Variants in SLC35F3 observed in about 807,000 individuals in gnomAD.
SLC35F3 encodes the protein solute carrier family 35 member F3, also known as putative thiamine transporter SLC35F3.
A neutral mutation model predicts 49.9 loss-of-function variants in SLC35F3; 25 were observed. The ratio of observed to expected loss-of-function variants is 0.50; its 90% CI spans 0.37 to 0.70. SLC35F3 has a LOEUF of 0.70. Among genes scored for constraint, SLC35F3 ranks in the 30% least tolerant of loss-of-function variants. The pLI is 0.00. For synonymous variants in SLC35F3, 275 were observed against 265.4 expected (o/e 1.04, Z -0.35); for missense variants, 525 against 639.8 (o/e 0.82, Z 1.94).
Position 234,214,621 on chromosome 1 carries a change from G to T in SLC35F3, c.284-16796G>T. The T allele has an allele frequency of 1.3e-6, 2 of 1,507,434 alleles. No homozygotes were observed. Among genetic ancestry groups the T allele is most frequent in the Non-Finnish European group, 1.8e-6 (2 of 1,127,132 alleles). The allele number at this position is 1,507,434 out of a possible 1,614,324, so 93.4% of individuals were successfully genotyped here. ...CCGGGGGTCCCTGCACCCTAGCCGGGGAATGCTGCCACCCTGAGGGGGGCT... is the reference window on the plus strand; with the variant it reads ...CCGGGGGTCCCTGCACCCTAGCCGGTGAATGCTGCCACCCTGAGGGGGGCT... On this transcript the variant is annotated intron_variant, in intron 2 of 7. Transcript: ENST00000366618. This position sits in a 1 kb window ranked among gnomAD's most constrained non-coding sequence, Gnocchi z 8.0.
chr1:234,194,554 T>G (rs1233756367), intron 2 of SLC35F3, among the ~76,000 whole-genome samples: 2 of 152,086 alleles, frequency 1.3e-5, no homozygotes, highest in African/African-American at 2.4e-5. Context: ...AAGGACTTAC[T>G]TATGTAACCA....
chr1:234,296,070 G>A (rs1668588467), intron 3 of SLC35F3, among the ~76,000 whole-genome samples: 1 of 152,216 alleles, frequency 6.6e-6, no homozygotes, highest in Non-Finnish European at 1.5e-5. Flanking sequence ...CAGGAACATA[G>A]AAGTGAGAGC....
rs535762779 is a variant in SLC35F3 at position 234,049,987 on chromosome 1, A to G, written c.283+144229A>G. ...TGAACTCATCCTTTTTTATGGCTGCATAGTATTCCATGGTGTATATGTGCC... is the reference window on the plus strand; with the variant it reads ...TGAACTCATCCTTTTTTATGGCTGCGTAGTATTCCATGGTGTATATGTGCC... On this transcript the variant is annotated intron_variant, in intron 2 of 7. Coordinates refer to ENST00000366618, the MANE Select transcript of SLC35F3 (RefSeq NM_173508.4). Among the ~76,000 whole-genome samples the G allele has an allele frequency of 2.6e-4, 40 of 152,294 alleles. 2 individuals carry two copies. The highest frequency in any genetic ancestry group is 3.4e-3 in the Middle Eastern group (1 of 294).
intron 3 of SLC35F3, among the ~76,000 whole-genome samples, chr1:234,282,486 A>C (rs752549499): frequency 7.9e-5 from 12 of 152,188 alleles, no homozygotes; most frequent in Non-Finnish European, 1.6e-4. Context: ...CAGGCTGCCT[A>C]TCCTGGAACC....
At chr1:234,137,825 A>G (rs1436723398) in intron 2 of SLC35F3, among the ~76,000 whole-genome samples, 1 of 152,200 alleles carries the variant, frequency 6.6e-6, no homozygotes, top group African/African-American at 2.4e-5. Context: ...GCTGGTGGGC[A>G]TGAATTTAAG....
chr1:234,101,581 G>A (rs556205529), intron 2 of SLC35F3, among the ~76,000 whole-genome samples: 4 of 152,322 alleles, frequency 2.6e-5, no homozygotes, highest in East Asian at 1.9e-4. Context: ...GAAAGCATAC[G>A]AAATGGTTCT....
chr1:234,250,147 T>G (rs1667712709), intron 3 of SLC35F3, among the ~76,000 whole-genome samples: 1 of 152,218 alleles, frequency 6.6e-6, no homozygotes, highest in Admixed American at 6.5e-5. Context: ...GAAGATACTA[T>G]TTATTCAAAA....
At chr1:233,930,327 A>G (rs1318487236) in intron 2 of SLC35F3, among the ~76,000 whole-genome samples, 1 of 152,182 alleles carries the variant, frequency 6.6e-6, no homozygotes, top group African/African-American at 2.4e-5. Context: ...TGTCTCTGCC[A>G]TTGCAACATG....
intron 2 of SLC35F3, among the ~76,000 whole-genome samples, chr1:233,969,447 T>C (rs1662957344): frequency 6.6e-6 from 1 of 152,214 alleles, no homozygotes; most frequent in South Asian, 2.1e-4. Context: ...TCTTCTTTCC[T>C]TTCTTCTCTC....
intron 2 of SLC35F3, among the ~76,000 whole-genome samples, chr1:234,181,343 A>G (rs865904487): frequency 4.0e-5 from 6 of 151,500 alleles, no homozygotes; most frequent in Non-Finnish European, 7.4e-5. Context: ...CTCAAGAAAA[A>G]AAAAAAAAAA....
At chr1:233,927,886 A>G (rs1351765499) in intron 2 of SLC35F3, among the ~76,000 whole-genome samples, 1 of 151,638 alleles carries the variant, frequency 6.6e-6, no homozygotes, top group Non-Finnish European at 1.5e-5. Context: ...AAATAGATAT[A>G]AAAAGTAATG....
At chr1:234,105,271 A>G (rs4508087) in intron 2 of SLC35F3, among the ~76,000 whole-genome samples, 99,409 of 151,992 alleles carry the variant, frequency 0.65, 32,883 homozygotes, top group East Asian at 0.83. Context: ...GGAAAGAAGG[A>G]CCTCCCAGAG....
chr1:234,194,450 G>T (rs1666774121), intron 2 of SLC35F3, among the ~76,000 whole-genome samples: 1 of 152,108 alleles, frequency 6.6e-6, no homozygotes, highest in Admixed American at 6.5e-5. Context: ...CAGGAGAGAG[G>T]GTGGGAGGAG....
intron 2 of SLC35F3, among the ~76,000 whole-genome samples, chr1:234,050,930 CAAAGATCACATGGTTGTAGATGTGTG>C (rs1664367137): frequency 6.6e-6 from 1 of 152,126 alleles, no homozygotes; most frequent in Non-Finnish European, 1.5e-5. Flanking sequence ...TCAGGTTTGT[CAAAGATCACATGGTTGTAGATGTGTG>C]GTATTATTTC....
At chr1:234,140,978 G>C (rs1032368157) in intron 2 of SLC35F3, among the ~76,000 whole-genome samples, 5 of 152,168 alleles carry the variant, frequency 3.3e-5, no homozygotes, top group African/African-American at 1.2e-4. Context: ...CAAGGGTCAT[G>C]GCAGCTGTTA....
intron 2 of SLC35F3, among the ~76,000 whole-genome samples, chr1:234,121,825 G>A (rs1199367961): frequency 6.6e-6 from 1 of 152,116 alleles, no homozygotes; most frequent in Non-Finnish European, 1.5e-5. Context: ...TTGGTTTTCT[G>A]TCCTTATGAT....
At chr1:234,267,195 A>G (rs1176964166) in intron 3 of SLC35F3, among the ~76,000 whole-genome samples, 7 of 127,050 alleles carry the variant, frequency 5.5e-5, no homozygotes, top group Non-Finnish European at 8.1e-5. Context: ...AGGGTTGGGG[A>G]TAAGGTCACA....
chr1:234,071,973 T>C (rs1337602636), intron 2 of SLC35F3, among the ~76,000 whole-genome samples: 1 of 152,222 alleles, frequency 6.6e-6, no homozygotes, highest in Non-Finnish European at 1.5e-5. Flanking sequence ...ATCAGGGGAC[T>C]CATGAGTGTG....
intron 2 of SLC35F3, among the ~76,000 whole-genome samples, chr1:234,113,363 T>C (rs1665436622): frequency 6.6e-6 from 1 of 152,192 alleles, no homozygotes; most frequent in Admixed American, 6.5e-5. Flanking sequence ...TAAAGTAAGC[T>C]CTGAACATAC....
Sources: allele counts gnomAD v4.1 joint callset (sites outside exome capture counted in the v4.1 genomes callset), GRCh38; gene constraint gnomAD v4.1.1; non-coding constraint Gnocchi (gnomAD v3.1); transcripts MANE v1.5; gene names NCBI Gene and HGNC (gene_info 2026-07-23, HGNC 2026-07-21).